TBX18: variants seen among roughly 807,000 people sequenced by gnomAD.
TBX18 encodes T-box transcription factor TBX18.
A neutral mutation model predicts 55.0 loss-of-function variants in TBX18; 21 were observed. That is an observed-to-expected ratio of 0.38 (90% CI 0.27 to 0.55). TBX18 has a LOEUF of 0.55. TBX18 is among the 20% of genes least tolerant of loss of function. The pLI is 0.73. For missense variants in TBX18, 840 were observed against 799.6 expected (o/e 1.05, Z -0.61); for synonymous variants, 342 against 326.1 (o/e 1.05, Z -0.53).
chr6:84,763,877 G>C lies in TBX18; in HGVS notation c.292+13C>G, dbSNP rs1287900752. ...GCCGGAGAGAAGTTATAGGCAGGAAGGGGCCCACTCACCCGCGGCTCCGCG... is the reference window on the plus strand; with the variant it reads ...GCCGGAGAGAAGTTATAGGCAGGAACGGGCCCACTCACCCGCGGCTCCGCG... On this transcript the variant is annotated intron_variant, in intron 1 of 7. Transcript: ENST00000369663. 2.0e-6 allele frequency: 3 copies of C among 1,488,826 alleles called. No homozygotes were observed. The highest frequency in any genetic ancestry group is 2.7e-6 in the Non-Finnish European group (3 of 1,128,858). 92.2% of individuals were successfully genotyped at this position (1,488,826 alleles called of 1,614,324 possible).
chr6:84,741,500 C>T (rs1767047610), intron 6 of TBX18: 1 of 152,166 alleles, frequency 6.6e-6, no homozygotes, highest in Admixed American at 6.5e-5. Context: ...TGCAGGAGAG[C>T]TTTTAAGGGC....
At position 84,737,132 on chromosome 6, in the gene TBX18, G is replaced by A. The variant is rs956448415; in HGVS notation, c.1377C>T (p.Gly459=). 2.3e-5 allele frequency: 37 copies of A among 1,614,032 alleles called. No individual in the cohort carries two copies. In the South Asian group the frequency reaches 3.3e-4, roughly 14 times the overall value. Residue 459 remains glycine (G), a synonymous_variant, in exon 8 of 8, where the codon GGC becomes GGT. Transcript: ENST00000369663. ...TGTTCACGGAGGTGCTGCTGCTCAC[G>A]CCCACATAGGAGGGAGTCCTGGGCG... ...FAPPRTPSYV[G]VSSSTSVNMS...
Position 84,736,650 on chromosome 6 carries a change from G to C in TBX18, c.*35C>G. 1 of 1,492,276 alleles carries C rather than the reference G, an allele frequency of 6.7e-7. No homozygotes were observed. Among genetic ancestry groups the C allele is most frequent in the Non-Finnish European group, 8.9e-7 (1 of 1,122,102 alleles). 92.4% of individuals were successfully genotyped at this position (1,492,276 alleles called of 1,614,324 possible). A position where few individuals can be genotyped will look rare whatever the true frequency, so the allele number is the denominator to read the frequency against. On this transcript the variant is annotated 3_prime_UTR_variant, in exon 8 of 8. Coordinates refer to ENST00000369663, the MANE Select transcript of TBX18 (RefSeq NM_001080508.3). ...TAAAAAAGAAAAAGAAAATATGTTAGACAGATCCAAATGTCATTTAACTTA... is the reference window on the plus strand; with the variant it reads ...TAAAAAAGAAAAAGAAAATATGTTACACAGATCCAAATGTCATTTAACTTA...
At chr6:84,741,553 T>C (rs1426073617) in intron 6 of TBX18, 1 of 152,182 alleles carries the variant, frequency 6.6e-6, no homozygotes, top group East Asian at 1.9e-4. Flanking sequence ...CAGCCATAAA[T>C]AGCCAGAAAA....
chr6:84,758,869 T>G (rs1463111165), intron 3 of TBX18, among the ~76,000 whole-genome samples: 8 of 152,208 alleles, frequency 5.3e-5, no homozygotes, highest in Non-Finnish European at 1.2e-4. Context: ...GTTTTACAAT[T>G]TGATCTTTTA....
At chr6:84,759,190 A>T (rs1369753446) in intron 3 of TBX18, among the ~76,000 whole-genome samples, 1 of 152,166 alleles carries the variant, frequency 6.6e-6, no homozygotes, top group Non-Finnish European at 1.5e-5. Flanking sequence ...TTTAATTAAA[A>T]TAACTTATAC....
At chr6:84,763,175 G>A (rs1767704051) in intron 1 of TBX18, 5 of 356,588 alleles carry the variant, frequency 1.4e-5, no homozygotes, top group Non-Finnish European at 2.7e-5. Context: ...AGCAGCAAAA[G>A]CGCCCGGACT....
At chr6:84,737,539 T>C (rs561268921) in intron 7 of TBX18, 130 bp from the exon 8 acceptor site, 2 of 987,796 alleles carry the variant, frequency 2.0e-6, no homozygotes, top group East Asian at 3.0e-5. Context: ...GAAAAGGAGA[T>C]GGTCTCAGCT....
Position 84,736,973 on chromosome 6 carries a change from C to A in TBX18, c.1536G>T (p.Gln512His). ...SPSSNAFATN[Q>H]THQGSYNTFR... ...AAGTATTATAGGAACCCTGATGGGT[C>A]TGGTTAGTGGCGAAGGCATTGCTGG... The change falls in exon 8 of 8, where the codon CAG becomes CAT. Residue 512 changes from glutamine (Q) to histidine (H), a missense_variant. Coordinates refer to ENST00000369663, the MANE Select transcript of TBX18 (RefSeq NM_001080508.3). The A allele has an allele frequency of 2.5e-6, 4 of 1,610,502 alleles. No individual in the cohort carries two copies. Among genetic ancestry groups the A allele is most frequent in the Non-Finnish European group, 3.4e-6 (4 of 1,177,938 alleles).
At chr6:84,747,809 T>C (rs2127875547) in intron 5 of TBX18, 111 bp downstream of exon 5, 1 of 1,011,868 alleles carries the variant, frequency 9.9e-7, no homozygotes, top group Admixed American at 2.7e-5. Flanking sequence ...TTGAATGTCA[T>C]ATATGGCAAA....
At chr6:84,743,426 A>G (rs980272943) in intron 6 of TBX18, among the ~76,000 whole-genome samples, 3 of 152,210 alleles carry the variant, frequency 2.0e-5, no homozygotes, top group Non-Finnish European at 2.9e-5. Context: ...GGAGTATTAG[A>G]ATAATTTCAT....
intron 5 of TBX18, among the ~76,000 whole-genome samples, chr6:84,747,583 G>A (rs909416814): frequency 3.3e-5 from 5 of 152,090 alleles, no homozygotes; most frequent in African/African-American, 9.7e-5. Context: ...CAAGTCCCAT[G>A]CTCTATGATA....
rs1421649941 is a variant in TBX18 at position 84,760,890 on chromosome 6, T to C, written c.498-534A>G. 2.0e-5 allele frequency among the ~76,000 whole-genome samples: 3 copies of C among 152,182 alleles called. No homozygotes were observed. The South Asian group carries it at 6.2e-4, about 32-fold the overall frequency. On this transcript the variant is annotated intron_variant, in intron 2 of 7. Transcript: ENST00000369663. Reference sequence around the variant, plus strand: ...GCATGGTAAAGGTGAAGTGCAAAAGTTGCTCTAAATTTGAAAGGTATAGTA... The same window carrying C: ...GCATGGTAAAGGTGAAGTGCAAAAGCTGCTCTAAATTTGAAAGGTATAGTA...
intron 4 of TBX18, among the ~76,000 whole-genome samples, chr6:84,750,845 G>C (rs555403119): frequency 6.6e-6 from 1 of 152,102 alleles, no homozygotes; most frequent in Admixed American, 6.5e-5. Context: ...ATATAAAGCA[G>C]CAAATGACCA....
Position 84,760,281 on chromosome 6 carries a change from A to C in TBX18, c.573T>G (p.Ile191Met). 1.2e-6 allele frequency: 2 copies of C among 1,604,458 alleles called. No homozygotes were observed. The highest frequency in any genetic ancestry group is 1.7e-6 in the Non-Finnish European group (2 of 1,174,566). The change falls in exon 3 of 8, where the codon ATT becomes ATG. Residue 191 changes from isoleucine to methionine, a missense_variant. Ile to Met is a conservative substitution (Grantham distance 10). Transcript: ENST00000369663. Reference sequence around the variant, plus strand: ...TGTATCTTTTGTTGTCCACTGGTACAATATCCATGGCAATGTAATATTGCT... The same window carrying C: ...TGTATCTTTTGTTGTCCACTGGTACCATATCCATGGCAATGTAATATTGCT... ...PHQQYYIAMD[I>M]VPVDNKRYRY...
In TBX18 at chr6:84,736,906, A is replaced by G. The variant is rs1205839602; in HGVS notation, c.1603T>C (p.Ser535Pro). 1 of 1,612,998 alleles carries G rather than the reference A, an allele frequency of 6.2e-7. No individual in the cohort carries two copies. The highest frequency in any genetic ancestry group is 8.5e-7 in the Non-Finnish European group (1 of 1,179,610). The change falls in exon 8 of 8, where the codon TCC (serine) becomes CCC (proline). Residue 535 changes from serine (S) to proline (P), a missense_variant. Physicochemically the swap from Ser to Pro is moderately conservative, Grantham distance 74 (BLOSUM62 -1). Coordinates refer to ENST00000369663, the MANE Select transcript of TBX18 (RefSeq NM_001080508.3). The stretch of plus-strand genomic sequence containing the variant: ...CTGGCAGCCAGTTTGGGGGATGTGG[A>G]GAAGTTATATCCATATAGTGCACAG... ...SPCALYGYNFSTSPKLAASPE... is the reference protein window; with the variant it reads ...SPCALYGYNFPTSPKLAASPE...
rs200601121 is a variant in TBX18 at position 84,756,776 on chromosome 6, C to G, written c.693G>C (p.Ser231=). ...TAACTTGTCTCATCCAAGTCTCCCCCGAGGCAGGCGAGTCTGGATGAATGT... is the reference window on the plus strand; with the variant it reads ...TAACTTGTCTCATCCAAGTCTCCCCGGAGGCAGGCGAGTCTGGATGAATGT... ...RVYIHPDSPA[S]GETWMRQVIS... The change falls in exon 4 of 8, where the codon TCG becomes TCC. Residue 231 remains serine, a synonymous_variant. Transcript: ENST00000369663. 6.2e-6 allele frequency: 10 copies of G among 1,614,110 alleles called. No individual in the cohort carries two copies. The highest frequency in any genetic ancestry group is 1.1e-5 in the South Asian group (1 of 91,076).
In TBX18 at chr6:84,744,337, GA is replaced by G. The variant is rs770982466; in HGVS notation, c.940-13del. On this transcript the variant is annotated splice_polypyrimidine_tract_variant and intron_variant, in intron 5 of 7. Transcript: ENST00000369663. ...TTCAGGCGAGTAATCTGCAGAGTAG[GA>G]AAAAAAAATATCAAATCTTATATAA... is the stretch of plus-strand genomic sequence containing the variant. 199 of 1,583,264 alleles carry G rather than the reference GA, an allele frequency of 1.3e-4. 1 individual carries two copies. The highest frequency in any genetic ancestry group is 2.0e-4 in the South Asian group (17 of 86,920).
At chr6:84,740,189 C>A (rs1332096642) in intron 6 of TBX18, among the ~76,000 whole-genome samples, 1 of 152,148 alleles carries the variant, frequency 6.6e-6, no homozygotes, top group Non-Finnish European at 1.5e-5. Flanking sequence ...TGCACCTGCT[C>A]CACCTGGCCT....
Sources: allele counts gnomAD v4.1 joint callset (sites outside exome capture counted in the v4.1 genomes callset), GRCh38; gene constraint gnomAD v4.1.1; transcripts MANE v1.5; gene names NCBI Gene and HGNC (gene_info 2026-07-23, HGNC 2026-07-21).